CELF2: variants seen among roughly 807,000 people sequenced by gnomAD.
The protein encoded by CELF2 is CUG triplet repeat RNA-binding protein 2.
In CELF2, 8 loss-of-function variants were observed where a neutral mutation model predicts 62.6. The observed-to-expected ratio is 0.13, with a 90% CI of 0.07 to 0.23. The LOEUF is 0.23. Among genes scored for constraint, CELF2 ranks in the 10% least tolerant of loss-of-function variants. CELF2 has a pLI of 1.00. For synonymous variants in CELF2, 258 were observed against 250.0 expected (o/e 1.03, Z -0.30); for missense variants, 333 against 671.0 (o/e 0.50, Z 5.56).
At chr10:11,103,792 G>A (rs921437057) in intron 1 of CELF2, among the ~76,000 whole-genome samples, 1 of 152,126 alleles carries the variant, frequency 6.6e-6, no homozygotes, top group African/African-American at 2.4e-5. Context: ...TAACAAGTGG[G>A]TGAATTCGTA....
chr10:10,475,174 T>C, the CELF2 span, among the ~76,000 whole-genome samples: 5 of 152,142 alleles, frequency 3.3e-5, no homozygotes, highest in Non-Finnish European at 4.4e-5. Flanking sequence ...CATTTGATGA[T>C]GTCCAGGTAC....
chr10:10,808,338 C>A (rs1365886931), intron 1 of CELF2, among the ~76,000 whole-genome samples: 2 of 152,118 alleles, frequency 1.3e-5, no homozygotes, highest in Admixed American at 1.3e-4. Flanking sequence ...TTAAACATTT[C>A]TTTTTATTAA....
Position 11,217,588 on chromosome 10 carries a change from C to G in CELF2, c.354+81C>G. Reference sequence around the variant, plus strand: ...CAACTGAAGGTTCTAGTTATGGGCTCTTAGTGCCAAAAATGACTTTGGTCT... The same window carrying G: ...CAACTGAAGGTTCTAGTTATGGGCTGTTAGTGCCAAAAATGACTTTGGTCT... On this transcript the variant is annotated intron_variant, in intron 3 of 12. Coordinates refer to ENST00000633077, the MANE Select transcript of CELF2 (RefSeq NM_001326342.2). This position sits in a 1 kb window ranked among gnomAD's most constrained non-coding sequence, Gnocchi z 5.6. 1 of 1,043,742 alleles carries G rather than the reference C, an allele frequency of 9.6e-7. No individual in the cohort carries two copies. The highest frequency in any genetic ancestry group is 1.4e-6 in the Non-Finnish European group (1 of 690,424). The allele number at this position is 1,043,742 out of a possible 1,614,324, so 64.7% of individuals were successfully genotyped here. A position where few individuals can be genotyped will look rare whatever the true frequency, so the allele number is the denominator to read the frequency against.
At chr10:11,245,088 C>T (rs1173520974) in intron 3 of CELF2, among the ~76,000 whole-genome samples, 5 of 152,186 alleles carry the variant, frequency 3.3e-5, no homozygotes, top group African/African-American at 4.8e-5. Context: ...AACAGAAACA[C>T]GTGAATAAAC....
At chr10:10,570,066 A>G in the CELF2 span, among the ~76,000 whole-genome samples, 2 of 152,158 alleles carry the variant, frequency 1.3e-5, no homozygotes, top group Admixed American at 6.6e-5. Context: ...TGAGAAACCA[A>G]TCTAGTGCCT....
At chr10:10,811,237 G>A (rs968946586) in intron 1 of CELF2, among the ~76,000 whole-genome samples, 3 of 152,324 alleles carry the variant, frequency 2.0e-5, no homozygotes, top group East Asian at 1.9e-4. Context: ...TATAAATTAA[G>A]TGGTCAGGAC....
chr10:11,192,070 C>T (rs7093068), intron 2 of CELF2, among the ~76,000 whole-genome samples: 2,092 of 152,318 alleles, frequency 0.014, 49 homozygotes, highest in African/African-American at 0.047. Flanking sequence ...TGAGCACACT[C>T]ATCAGGTTTA....
rs1310349563 is a variant in CELF2, at chr10:11,268,522, G to C, written c.618+1845G>C. ...CAGAACTGGGCATGAACCAGGCTGA[G>C]AAACAGTAGGTTCCCATCATGTAAA... On this transcript the variant is annotated intron_variant, in intron 6 of 12. Transcript: ENST00000633077. The surrounding 1 kb of genome is among the most constrained non-coding windows in gnomAD (Gnocchi z 4.7). 6.6e-6 allele frequency among the ~76,000 whole-genome samples: 1 copy of C among 152,202 alleles called. No homozygotes were observed. The highest frequency in any genetic ancestry group is 1.5e-5 in the Non-Finnish European group (1 of 68,038).
intron 1 of CELF2, among the ~76,000 whole-genome samples, chr10:10,859,734 C>A (rs1362357139): frequency 6.6e-6 from 1 of 152,172 alleles, no homozygotes; most frequent in Non-Finnish European, 1.5e-5. Flanking sequence ...CTGACTCTTA[C>A]TAGAATTTTT....
the CELF2 span, among the ~76,000 whole-genome samples, chr10:10,654,830 A>C: frequency 1.3e-5 from 2 of 150,600 alleles, no homozygotes; most frequent in Non-Finnish European, 3.0e-5. Flanking sequence ...GCCCTCTCTC[A>C]CCACTCCTAT....
chr10:10,537,432 A>G, the CELF2 span, among the ~76,000 whole-genome samples: 1 of 152,194 alleles, frequency 6.6e-6, no homozygotes, highest in Non-Finnish European at 1.5e-5. Context: ...TGTTTCTAGC[A>G]TTTGTTGGGC....
At chr10:10,587,340 T>C in the CELF2 span, among the ~76,000 whole-genome samples, 1 of 152,136 alleles carries the variant, frequency 6.6e-6, no homozygotes, top group Non-Finnish European at 1.5e-5. Flanking sequence ...TTCACTCCTA[T>C]ATATTTTCCT....
chr10:10,757,104 T>C, the CELF2 span, among the ~76,000 whole-genome samples: 1 of 151,822 alleles, frequency 6.6e-6, no homozygotes, highest in Non-Finnish European at 1.5e-5. Flanking sequence ...ATCACACCAC[T>C]GCATTCCAGC....
chr10:10,567,712 A>G, the CELF2 span, among the ~76,000 whole-genome samples: 8 of 152,098 alleles, frequency 5.3e-5, no homozygotes, highest in Non-Finnish European at 1.0e-4. Context: ...CTGATCTTTC[A>G]CTGGATGAAG....
chr10:10,872,284 G>A (rs939515694), intron 1 of CELF2, among the ~76,000 whole-genome samples: 8 of 152,164 alleles, frequency 5.3e-5, no homozygotes, highest in African/African-American at 1.9e-4. Flanking sequence ...AGAGGCCAGA[G>A]CTGTCTTTTT....
At chr10:10,556,821 T>C in the CELF2 span, among the ~76,000 whole-genome samples, 1 of 151,798 alleles carries the variant, frequency 6.6e-6, no homozygotes, top group African/African-American at 2.4e-5. Flanking sequence ...TTTGGCTGCA[T>C]AAATGTCTTC....
intron 2 of CELF2, among the ~76,000 whole-genome samples, chr10:11,201,407 G>A (rs906874238): frequency 6.6e-5 from 10 of 152,126 alleles, no homozygotes; most frequent in African/African-American, 2.4e-4. Flanking sequence ...CATCTCTTTG[G>A]TTTTTGTGTG....
intron 1 of CELF2, chr10:11,164,997 A>G: frequency 3.5e-6 from 3 of 864,852 alleles, no homozygotes; most frequent in Non-Finnish European, 4.1e-6. Context: ...CTTTATTATT[A>G]CCACCTCTCT....
intron 1 of CELF2, among the ~76,000 whole-genome samples, chr10:11,032,171 A>AAAAAAAAAAAAAAAG: frequency 7.1e-6 from 1 of 141,704 alleles, no homozygotes; most frequent in Non-Finnish European, 1.5e-5. Flanking sequence ...AAAAAAAAAA[A>AAAAAAAAAAAAAAAG]TTGCTTCCAG....
Sources: allele counts gnomAD v4.1 joint callset (sites outside exome capture counted in the v4.1 genomes callset), GRCh38; gene constraint gnomAD v4.1.1; non-coding constraint Gnocchi (gnomAD v3.1); transcripts MANE v1.5; gene names NCBI Gene and HGNC (gene_info 2026-07-23, HGNC 2026-07-21).